Variants in MAGI3 observed in about 807,000 individuals in gnomAD.
MAGI3 encodes membrane-associated guanylate kinase, WW and PDZ domain-containing protein 3.
MAGI3 carries 43 observed loss-of-function variants against 121.8 expected under a neutral mutation model. The ratio of observed to expected loss-of-function variants is 0.35; its 90% CI spans 0.28 to 0.46. The LOEUF (loss-of-function observed/expected upper bound fraction) is 0.46, where lower values mean the gene tolerates loss of function less well. Ranked by LOEUF, MAGI3 falls within the 20% of genes least tolerant of loss-of-function variation. MAGI3 has a pLI of 1.00. For synonymous variants in MAGI3, 553 were observed against 639.3 expected (o/e 0.86, Z 2.04); for missense variants, 1,547 against 1,797.3 (o/e 0.86, Z 2.52).
At chr1:113,418,753 C>T (rs976191377) in intron 1 of MAGI3, among the ~76,000 whole-genome samples, 2 of 152,182 alleles carry the variant, frequency 1.3e-5, no homozygotes, top group East Asian at 3.9e-4. Context: ...AGTATTTAGA[C>T]ACCTGTTTGC....
intron 19 of MAGI3, among the ~76,000 whole-genome samples, chr1:113,675,411 G>A (rs1185038314): frequency 2.0e-5 from 3 of 152,198 alleles, no homozygotes; most frequent in East Asian, 1.9e-4. Context: ...TCTGTACTAC[G>A]AAAACCATCA....
chr1:113,617,861 C>G (rs781229176), intron 7 of MAGI3, among the ~76,000 whole-genome samples: 10 of 151,920 alleles, frequency 6.6e-5, no homozygotes, highest in Non-Finnish European at 1.2e-4. Context: ...CAGTGTATCC[C>G]CCGCATATTA....
At chr1:113,643,613 C>T (rs1020507447) in intron 10 of MAGI3, 130 bp from the exon 11 acceptor site, 2 of 775,170 alleles carry the variant, frequency 2.6e-6, no homozygotes, top group Non-Finnish European at 4.5e-6. Flanking sequence ...ATGCCTGGTA[C>T]ATAGGAGGTT....
intron 16 of MAGI3, among the ~76,000 whole-genome samples, chr1:113,660,553 T>A (rs1219796524): frequency 6.6e-6 from 1 of 151,636 alleles, no homozygotes; most frequent in Admixed American, 6.6e-5. Context: ...ATATCCCTAT[T>A]TAAATGGTCT....
intron 9 of MAGI3, among the ~76,000 whole-genome samples, chr1:113,635,787 T>A (rs201528161): frequency 0.025 from 2,540 of 99,918 alleles, no homozygotes; most frequent in South Asian, 0.039. Flanking sequence ...ATTGGAATAG[T>A]TTCAGAAGGA....
At chr1:113,643,187 T>C (rs1474649245) in intron 10 of MAGI3, among the ~76,000 whole-genome samples, 1 of 152,272 alleles carries the variant, frequency 6.6e-6, no homozygotes, top group Admixed American at 6.5e-5. Context: ...TAATATGCTT[T>C]CTTAAATCCA....
chr1:113,554,888 A>G (rs1439684859), intron 2 of MAGI3, among the ~76,000 whole-genome samples: 2 of 152,176 alleles, frequency 1.3e-5, no homozygotes, highest in Non-Finnish European at 2.9e-5. Context: ...CACAGCAGGA[A>G]GCTGAGGTGG....
At chr1:113,407,566 A>G (rs1651753305) in intron 1 of MAGI3, among the ~76,000 whole-genome samples, 2 of 133,356 alleles carry the variant, frequency 1.5e-5, no homozygotes, top group Admixed American at 1.7e-4. Flanking sequence ...CCATCCATCA[A>G]TCTGTCTTTT....
intron 1 of MAGI3, among the ~76,000 whole-genome samples, chr1:113,485,271 C>T (rs1040518231): frequency 6.6e-6 from 1 of 152,186 alleles, no homozygotes; most frequent in Non-Finnish European, 1.5e-5. Flanking sequence ...TGCATTCCCA[C>T]CAACAATGTA....
At chr1:113,627,403 C>G (rs1385788782) in intron 9 of MAGI3, among the ~76,000 whole-genome samples, 1 of 151,678 alleles carries the variant, frequency 6.6e-6, no homozygotes, top group East Asian at 1.9e-4. Context: ...ATTCTGCAGC[C>G]ATTGGATGAA....
At chr1:113,505,762 G>C (rs1031278909) in intron 1 of MAGI3, among the ~76,000 whole-genome samples, 1 of 152,120 alleles carries the variant, frequency 6.6e-6, no homozygotes, top group Non-Finnish European at 1.5e-5. Context: ...AGAAGAACCT[G>C]TCAGTCAGAT....
At chr1:113,530,889 C>T (rs1212860496) in intron 1 of MAGI3, among the ~76,000 whole-genome samples, 1 of 148,990 alleles carries the variant, frequency 6.7e-6, no homozygotes, top group African/African-American at 2.4e-5. Flanking sequence ...GCACTCCAGC[C>T]TGGGCAGCAG....
chr1:113,576,463 T>C (rs573008871), intron 2 of MAGI3, among the ~76,000 whole-genome samples: 63 of 152,254 alleles, frequency 4.1e-4, no homozygotes, highest in African/African-American at 1.4e-3. Flanking sequence ...CCACCCTGCT[T>C]CTGCTCACCC....
intron 1 of MAGI3, among the ~76,000 whole-genome samples, chr1:113,475,635 A>T (rs995486036): frequency 2.0e-5 from 3 of 152,272 alleles, no homozygotes; most frequent in African/African-American, 7.2e-5. Context: ...TCAGTTTGTC[A>T]GTATTTTATT....
At chr1:113,632,553 A>G (rs1370688487) in intron 9 of MAGI3, among the ~76,000 whole-genome samples, 1 of 152,234 alleles carries the variant, frequency 6.6e-6, no homozygotes, top group Admixed American at 6.5e-5. Context: ...CTGTATTAAA[A>G]AATACCCAAC....
chr1:113,608,811 T>C (rs753707894), intron 6 of MAGI3, among the ~76,000 whole-genome samples: 4 of 152,190 alleles, frequency 2.6e-5, no homozygotes, highest in Non-Finnish European at 4.4e-5. Context: ...CCTAATGCTC[T>C]TTACATTAAG....
chr1:113,403,041 A>G (rs6700987), intron 1 of MAGI3, among the ~76,000 whole-genome samples: 3,546 of 152,246 alleles, frequency 0.023, 131 homozygotes, highest in African/African-American at 0.081. Context: ...AATATCAGTC[A>G]GGGTTCAGTG....
chr1:113,639,093 A>G (rs1458736142), intron 9 of MAGI3, among the ~76,000 whole-genome samples: 2 of 152,226 alleles, frequency 1.3e-5, no homozygotes, highest in Non-Finnish European at 2.9e-5. Flanking sequence ...AGAAAAGCGC[A>G]GTATTCGGGT....
intron 1 of MAGI3, among the ~76,000 whole-genome samples, chr1:113,489,465 A>G (rs1465083196): frequency 6.6e-6 from 1 of 152,190 alleles, no homozygotes; most frequent in Non-Finnish European, 1.5e-5. Context: ...GAACCCTGAC[A>G]ACTCAAAAAG....
Sources: gnomAD v4.1 joint callset for allele counts (sites outside exome capture counted in the v4.1 genomes callset) on GRCh38, gnomAD v4.1.1 for gene constraint, MANE v1.5 for transcripts, NCBI Gene and HGNC (gene_info 2026-07-23, HGNC 2026-07-21) for gene names.